FBXO4: variants seen among roughly 807,000 people sequenced by gnomAD.
FBXO4 encodes the protein F-box only protein 4.
FBXO4 carries 36 observed loss-of-function variants against 43.7 expected under a neutral mutation model. That is an observed-to-expected ratio of 0.82 (90% CI 0.63 to 1.09). The LOEUF (loss-of-function observed/expected upper bound fraction) is 1.09, where lower values mean the gene tolerates loss of function less well. Ranked by LOEUF, FBXO4 falls within the 50% of genes least tolerant of loss-of-function variation. The pLI is 0.00. For missense variants in FBXO4, 435 were observed against 474.1 expected (o/e 0.92, Z 0.77); for synonymous variants, 180 against 165.6 (o/e 1.09, Z -0.67).
the FBXO4 span, among the ~76,000 whole-genome samples, chr5:41,955,887 G>A: frequency 6.6e-6 from 1 of 152,136 alleles, no homozygotes. Context: ...GAAGTGGTTG[G>A]CCTCGGTAGT....
At chr5:41,925,622 A>G in intron 1 of FBXO4, 124 bp downstream of exon 1, 1 of 653,956 alleles carries the variant, frequency 1.5e-6, no homozygotes, top group Non-Finnish European at 2.2e-6. Context: ...CCGTCCATGC[A>G]GCCATTCCTG....
At chr5:41,938,734 A>G (rs772016065) in intron 5 of FBXO4, among the ~76,000 whole-genome samples, 4 of 152,086 alleles carry the variant, frequency 2.6e-5, no homozygotes, top group Non-Finnish European at 4.4e-5. Flanking sequence ...AGATCATTCA[A>G]GTTATTAGCT....
the FBXO4 span, among the ~76,000 whole-genome samples, chr5:41,954,014 G>A: frequency 6.6e-6 from 1 of 152,168 alleles, no homozygotes; most frequent in East Asian, 1.9e-4. Flanking sequence ...AACATTTACT[G>A]ACAGACCAGT....
At chr5:42,025,236 A>T in the FBXO4 span, among the ~76,000 whole-genome samples, 1 of 151,846 alleles carries the variant, frequency 6.6e-6, no homozygotes, top group African/African-American at 2.4e-5. Flanking sequence ...TGTCTTTTGG[A>T]TATAAGCCAT....
At chr5:41,940,588 C>A (rs954369713) in intron 6 of FBXO4, among the ~76,000 whole-genome samples, 1 of 152,174 alleles carries the variant, frequency 6.6e-6, no homozygotes, top group African/African-American at 2.4e-5. Context: ...TTATGGCATT[C>A]TTTCTTCAAA....
chr5:41,990,729 G>T, the FBXO4 span, among the ~76,000 whole-genome samples: 1 of 152,158 alleles, frequency 6.6e-6, no homozygotes, highest in Non-Finnish European at 1.5e-5. Context: ...CATGGAAAGA[G>T]AAGCAGAGGG....
the FBXO4 span, among the ~76,000 whole-genome samples, chr5:42,011,797 T>C: frequency 6.6e-6 from 1 of 152,196 alleles, no homozygotes; most frequent in African/African-American, 2.4e-5. Flanking sequence ...TTTCTAATTG[T>C]ACAAATAACC....
the FBXO4 span, among the ~76,000 whole-genome samples, chr5:41,972,015 C>G: frequency 6.6e-6 from 1 of 152,126 alleles, no homozygotes; most frequent in South Asian, 2.1e-4. Flanking sequence ...AAGCATTCCC[C>G]TTGAGAACAT....
At chr5:42,018,681 T>C in the FBXO4 span, among the ~76,000 whole-genome samples, 2 of 152,190 alleles carry the variant, frequency 1.3e-5, no homozygotes, top group Non-Finnish European at 2.9e-5. Context: ...CCTAAGTCAA[T>C]AGAATTTTTC....
At chr5:41,931,903 T>C (rs1385056614) in intron 3 of FBXO4, among the ~76,000 whole-genome samples, 1 of 152,028 alleles carries the variant, frequency 6.6e-6, no homozygotes, top group Non-Finnish European at 1.5e-5. Context: ...GAAGGATTTT[T>C]TTCAGAGGGT....
chr5:41,931,619 A>G (rs1229271217), intron 3 of FBXO4, among the ~76,000 whole-genome samples: 1 of 152,056 alleles, frequency 6.6e-6, no homozygotes, highest in African/African-American at 2.4e-5. Flanking sequence ...CATAACAGGC[A>G]CTCTCTGTAT....
chr5:41,985,217 G>T, the FBXO4 span, among the ~76,000 whole-genome samples: 1 of 152,140 alleles, frequency 6.6e-6, no homozygotes, highest in Non-Finnish European at 1.5e-5. Context: ...CCTTCAAGGG[G>T]ATGGTTTAGC....
At chr5:41,999,543 ATG>A in the FBXO4 span, among the ~76,000 whole-genome samples, 240 of 107,498 alleles carry the variant, frequency 2.2e-3, 3 homozygotes, top group African/African-American at 0.01. Context: ...ATACATATAT[ATG>A]TATATATATA....
In FBXO4 at chr5:41,925,302, G is replaced by T; in HGVS notation, c.-8G>T. The T allele has an allele frequency of 7.5e-7, 1 of 1,331,354 alleles. No homozygotes were observed. Among genetic ancestry groups the T allele is most frequent in the Non-Finnish European group, 9.7e-7 (1 of 1,035,434 alleles). The allele number at this position is 1,331,354 out of a possible 1,614,324, so 82.5% of individuals were successfully genotyped here. A position where few individuals can be genotyped will look rare whatever the true frequency, so the allele number is the denominator to read the frequency against. ...TCTAAGACGCGTCACCCACGCTGCG[G>T]GCAAGCCATGGCGGGAAGCGAGCCG... is the stretch of plus-strand genomic sequence containing the variant. On this transcript the variant is annotated 5_prime_UTR_variant, in exon 1 of 7. Transcript: ENST00000281623.
intron 5 of FBXO4, among the ~76,000 whole-genome samples, chr5:41,936,996 A>T (rs188745086): frequency 1.5e-4 from 23 of 152,318 alleles, no homozygotes; most frequent in Admixed American, 1.5e-3. Flanking sequence ...TTCCAATAAA[A>T]ATTTATTTAG....
Position 41,927,093 on chromosome 5 carries a change from T to C in FBXO4, c.270T>C (p.Asn90=), listed in dbSNP as rs993942747. The change falls in exon 2 of 7, where the codon AAT becomes AAC. Residue 90 remains asparagine (N), a synonymous_variant. Transcript: ENST00000281623. ...CQLGSTNHYW[N]ETVRDPILWR... is the part of the protein sequence containing the mutation. ...TGGGAAGTACAAATCATTATTGGAA[T>C]GAAACTGTAAGAGATCCAATTCTGT... 1.2e-6 allele frequency: 2 copies of C among 1,613,904 alleles called. No individual in the cohort carries two copies. Among genetic ancestry groups the C allele is most frequent in the African/African-American group, 1.3e-5 (1 of 75,042 alleles).
At chr5:41,982,707 G>T in the FBXO4 span, among the ~76,000 whole-genome samples, 2 of 151,950 alleles carry the variant, frequency 1.3e-5, no homozygotes, top group South Asian at 2.1e-4. Context: ...TATTGATTTT[G>T]CAATTATGTA....
chr5:41,932,264 T>C (rs1235816154), intron 3 of FBXO4, among the ~76,000 whole-genome samples: 1 of 152,210 alleles, frequency 6.6e-6, no homozygotes, highest in African/African-American at 2.4e-5. Context: ...GCGACTATAT[T>C]GGGCTGAAGT....
the FBXO4 span, among the ~76,000 whole-genome samples, chr5:41,977,860 A>G: frequency 6.6e-6 from 1 of 152,100 alleles, no homozygotes; most frequent in African/African-American, 2.4e-5. Flanking sequence ...ACCTCTGCCC[A>G]TTGCTCAGCT....
Sources: allele counts gnomAD v4.1 joint callset (sites outside exome capture counted in the v4.1 genomes callset), GRCh38; gene constraint gnomAD v4.1.1; transcripts MANE v1.5; gene names NCBI Gene and HGNC (gene_info 2026-07-23, HGNC 2026-07-21).